Variants in DYNC2H1 observed in about 807,000 individuals in gnomAD.
DYNC2H1 encodes the protein dynein cytoplasmic 2 heavy chain 1.
DYNC2H1 carries 410 observed loss-of-function variants against 570.0 expected under a neutral mutation model. The observed-to-expected ratio is 0.72, with a 90% CI of 0.66 to 0.78. The LOEUF is 0.78. Ranked by LOEUF, DYNC2H1 falls within the 30% of genes least tolerant of loss-of-function variation. DYNC2H1 has a pLI of 0.00. For synonymous variants in DYNC2H1, 1,688 were observed against 1,677.6 expected, an observed-to-expected ratio of 1.01 and a Z score of -0.15; for missense variants, 4,865 against 5,046.4, an observed-to-expected ratio of 0.96 and a Z score of 1.09.
Position 103,115,271 on chromosome 11 carries a change from AG to A in DYNC2H1, c.598del (p.Glu200AsnfsTer19). ...GTAAAGAAAGAGCCAATTATTTTAA[AG>A]AATTATTTGAAACAATTGCAAGAGT... ...ISKERANYFK[E>X]LFETIAREFY... On this transcript the variant is annotated frameshift_variant, in exon 4 of 89. Coordinates refer to ENST00000375735, the MANE Select transcript of DYNC2H1 (RefSeq NM_001377.3). LOFTEE classifies it high-confidence loss of function. 1 of 1,594,938 alleles carries A rather than the reference AG, an allele frequency of 6.3e-7. No homozygotes were observed. The highest frequency in any genetic ancestry group is 8.5e-7 in the Non-Finnish European group (1 of 1,169,758).
rs370490151 is a variant in DYNC2H1, at chr11:103,153,351, C to T, written c.3145C>T (p.Gln1049Ter). 1.3e-6 allele frequency: 2 copies of T among 1,546,944 alleles called. No homozygotes were observed. Among genetic ancestry groups the T allele is most frequent in the African/African-American group, 2.7e-5 (2 of 72,910 alleles). The change falls in exon 22 of 89, where the codon CAA becomes TAA. Residue 1049 changes from glutamine (Q) to a stop codon, truncating the protein, a stop_gained. Transcript: ENST00000375735. LOFTEE classifies it high-confidence loss of function. ...NVKSRLQIYY[Q>*]ELEKFKARWD... ...GAAATCACGTCTTCAGATCTATTAT[C>T]AAGAACTGGAAAAATTTAAAGCTCG...
intron 75 of DYNC2H1, among the ~76,000 whole-genome samples, chr11:103,295,398 G>C (rs1591537940): frequency 6.6e-6 from 1 of 152,228 alleles, no homozygotes; most frequent in Admixed American, 6.5e-5. Flanking sequence ...CCCAGGAAAA[G>C]CCTCGATAAA....
chr11:103,392,609 A>G lies in DYNC2H1; in HGVS notation c.12157-7054A>G, dbSNP rs921861501. ...GGAGCTTTAGACTGGAGCTGTTCCT[A>G]TTCGGCCATCTTGGCTCCACCCCTA... is the stretch of plus-strand genomic sequence containing the variant. On this transcript the variant is annotated intron_variant, in intron 83 of 88. Transcript: ENST00000375735. 5.3e-5 allele frequency among the ~76,000 whole-genome samples: 8 copies of G among 152,184 alleles called. No individual in the cohort carries two copies. The East Asian group carries it at 7.7e-4, about 15-fold the overall frequency.
intron 87 of DYNC2H1, among the ~76,000 whole-genome samples, chr11:103,457,585 A>G (rs1944838759): frequency 7.2e-6 from 1 of 138,722 alleles, no homozygotes; most frequent in Non-Finnish European, 1.6e-5. Context: ...ATGATATAAA[A>G]CTATTTTTAT....
intron 85 of DYNC2H1, among the ~76,000 whole-genome samples, chr11:103,442,889 A>G (rs1178537093): frequency 2.6e-5 from 4 of 151,856 alleles, no homozygotes; most frequent in Non-Finnish European, 4.4e-5. Flanking sequence ...GCATGTAACC[A>G]GTGATTGTTA....
intron 83 of DYNC2H1, among the ~76,000 whole-genome samples, chr11:103,364,448 C>T (rs185747237): frequency 6.6e-6 from 1 of 151,924 alleles, no homozygotes; most frequent in Non-Finnish European, 1.5e-5. Flanking sequence ...AGAATCCCAA[C>T]TTCTGTGTCA....
At chr11:103,454,249 T>C (rs1293572152) in intron 85 of DYNC2H1, among the ~76,000 whole-genome samples, 1 of 152,116 alleles carries the variant, frequency 6.6e-6, no homozygotes, top group Non-Finnish European at 1.5e-5. Context: ...TTATAAATCA[T>C]GCAAAATGAA....
At chr11:103,456,420 A>T (rs907729556) in intron 87 of DYNC2H1, 64 bp downstream of exon 87, 4 of 1,364,178 alleles carry the variant, frequency 2.9e-6, no homozygotes, top group African/African-American at 2.9e-5. Context: ...AGAGATTCTG[A>T]AATTTTGATC....
At chr11:103,154,097 C>A (rs1379364773) in intron 22 of DYNC2H1, among the ~76,000 whole-genome samples, 1 of 151,652 alleles carries the variant, frequency 6.6e-6, no homozygotes, top group Non-Finnish European at 1.5e-5. Context: ...ATTCTTTTCC[C>A]AGATCAATCT....
In DYNC2H1 at chr11:103,135,712, A is replaced by G; in HGVS notation, c.2346-8A>G. ...ATTTATGTTTTAAAGTTATTTATTT[A>G]CTTTTAGACAGGGACGATTACAATT... On this transcript the variant is annotated splice_region_variant and splice_polypyrimidine_tract_variant and intron_variant, in intron 16 of 88. Coordinates refer to ENST00000375735, the MANE Select transcript of DYNC2H1 (RefSeq NM_001377.3). The G allele has an allele frequency of 6.2e-7, 1 of 1,604,126 alleles. No homozygotes were observed. Among genetic ancestry groups the G allele is most frequent in the Non-Finnish European group, 8.5e-7 (1 of 1,174,796 alleles).
intron 84 of DYNC2H1, among the ~76,000 whole-genome samples, chr11:103,413,845 C>CCTAA (rs748401538): frequency 3.3e-5 from 5 of 152,048 alleles, no homozygotes; most frequent in Non-Finnish European, 7.4e-5. Flanking sequence ...CCTTTATATC[C>CCTAA]CTAACTTAAT....
intron 82 of DYNC2H1, among the ~76,000 whole-genome samples, chr11:103,333,323 G>A (rs1043245762): frequency 6.6e-6 from 1 of 152,150 alleles, no homozygotes; most frequent in Non-Finnish European, 1.5e-5. Flanking sequence ...GAGTGCAGTG[G>A]CACAATCTCA....
chr11:103,381,310 C>CA (rs1383964711), intron 83 of DYNC2H1, among the ~76,000 whole-genome samples: 1 of 152,108 alleles, frequency 6.6e-6, no homozygotes, highest in Non-Finnish European at 1.5e-5. Flanking sequence ...GTTTTTGAAA[C>CA]ATGTGGACTT....
At chr11:103,251,210 G>A (rs1864814908) in intron 65 of DYNC2H1, among the ~76,000 whole-genome samples, 1 of 151,956 alleles carries the variant, frequency 6.6e-6, no homozygotes, top group Admixed American at 6.6e-5. Flanking sequence ...GTTATTAGAT[G>A]CATACATTTT....
intron 39 of DYNC2H1, 108 bp downstream of exon 39, chr11:103,179,341 C>A: frequency 1.0e-6 from 1 of 978,300 alleles, no homozygotes; most frequent in Non-Finnish European, 1.4e-6. Flanking sequence ...ATATTTTTCC[C>A]ATTTATGATT....
At chr11:103,313,921 G>A (rs2135422003) in intron 79 of DYNC2H1, among the ~76,000 whole-genome samples, 1 of 152,188 alleles carries the variant, frequency 6.6e-6, no homozygotes, top group East Asian at 1.9e-4. Context: ...GTTCCAAAAT[G>A]GGTAGGCACA....
At chr11:103,267,083 G>A (rs1244268860) in intron 70 of DYNC2H1, among the ~76,000 whole-genome samples, 2 of 152,102 alleles carry the variant, frequency 1.3e-5, no homozygotes, top group Non-Finnish European at 2.9e-5. Flanking sequence ...AAGTGTCTGT[G>A]GTGGTCAAGG....
chr11:103,361,246 C>G (rs915219078), intron 83 of DYNC2H1, among the ~76,000 whole-genome samples: 1 of 152,136 alleles, frequency 6.6e-6, no homozygotes. Context: ...AGAGCCCTCA[C>G]AAATAGGATT....
rs1201137446 is a variant in DYNC2H1 at position 103,192,103 on chromosome 11, C to T, written c.7547C>T (p.Ser2516Leu). ...AAAATTTTGCCTTTTCTAGGATCCT[C>T]AAACCATCCACTAGATTATGTGTTA... ...LFRYDLEGGS[S>L]NHPLDYVLEI... Residue 2516 changes from serine to leucine, a missense_variant, in exon 47 of 89, where the codon TCA becomes TTA. Ser to Leu is a moderately radical substitution (Grantham distance 145, BLOSUM62 -2). Coordinates refer to ENST00000375735, the MANE Select transcript of DYNC2H1 (RefSeq NM_001377.3). The T allele has an allele frequency of 3.3e-6, 5 of 1,501,350 alleles. No homozygotes were observed. Among genetic ancestry groups the T allele is most frequent in the Non-Finnish European group, 4.5e-6 (5 of 1,116,418 alleles). The allele number at this position is 1,501,350 out of a possible 1,614,324, so 93.0% of individuals were successfully genotyped here.
Sources: allele counts gnomAD v4.1 joint callset (sites outside exome capture counted in the v4.1 genomes callset), GRCh38; gene constraint gnomAD v4.1.1; transcripts MANE v1.5; gene names NCBI Gene and HGNC (gene_info 2026-07-23, HGNC 2026-07-21).